PTPRD: variants seen among roughly 807,000 people sequenced by gnomAD.
PTPRD encodes the protein receptor-type tyrosine-protein phosphatase delta.
PTPRD carries 34 observed loss-of-function variants against 214.5 expected under a neutral mutation model. The ratio of observed to expected loss-of-function variants is 0.16; its 90% confidence interval spans 0.12 to 0.21. The LOEUF (loss-of-function observed/expected upper bound fraction) is 0.21. Among genes scored for constraint, PTPRD ranks in the 10% least tolerant of loss-of-function variants. The pLI, the probability that PTPRD is intolerant of heterozygous loss-of-function variation, is 1.00. For synonymous variants in PTPRD, 1,128 were observed against 845.7 expected (o/e 1.33, Z -5.79); for missense variants, 2,545 against 2,398.7 (o/e 1.06, Z -1.27).
At chr9:8,758,213 A>G (rs977307843) in intron 11 of PTPRD, among the ~76,000 whole-genome samples, 2 of 152,200 alleles carry the variant, frequency 1.3e-5, no homozygotes, top group East Asian at 1.9e-4. Context: ...GCCTTTCTCA[A>G]CTGCGGTTCC....
chr9:8,381,675 T>A (rs1172843770), intron 37 of PTPRD, among the ~76,000 whole-genome samples: 1 of 152,212 alleles, frequency 6.6e-6, no homozygotes, highest in Non-Finnish European at 1.5e-5. Context: ...AAAATATTAT[T>A]CTCAAAATAA....
intron 12 of PTPRD, among the ~76,000 whole-genome samples, chr9:8,648,852 G>A (rs1032229294): frequency 1.3e-5 from 2 of 152,174 alleles, no homozygotes; most frequent in African/African-American, 2.4e-5. Context: ...TCTTTTTGTA[G>A]AGTTAGTTTT....
At chr9:8,655,381 G>A (rs1334403538) in intron 12 of PTPRD, among the ~76,000 whole-genome samples, 1 of 152,158 alleles carries the variant, frequency 6.6e-6, no homozygotes. Flanking sequence ...AGAATTTATT[G>A]TAACTTAGGG....
chr9:9,572,793 G>C (rs981482115), intron 8 of PTPRD, among the ~76,000 whole-genome samples: 1 of 151,084 alleles, frequency 6.6e-6, no homozygotes, highest in Admixed American at 6.6e-5. Context: ...TGAGAAATAA[G>C]AGCAAAAACA....
intron 3 of PTPRD, among the ~76,000 whole-genome samples, chr9:10,105,133 T>C (rs1178106045): frequency 1.3e-5 from 2 of 151,846 alleles, no homozygotes; most frequent in Non-Finnish European, 2.9e-5. Context: ...TGAGGACTCT[T>C]TGAGGATGGG....
At chr9:8,409,204 T>C (rs1176729821) in intron 35 of PTPRD, among the ~76,000 whole-genome samples, 1 of 152,182 alleles carries the variant, frequency 6.6e-6, no homozygotes, top group Non-Finnish European at 1.5e-5. Context: ...CTAGAAGTAG[T>C]TGCCATTATG....
At chr9:9,824,506 T>G (rs2153582408) in intron 5 of PTPRD, among the ~76,000 whole-genome samples, 1 of 152,112 alleles carries the variant, frequency 6.6e-6, no homozygotes, top group Non-Finnish European at 1.5e-5. Context: ...ATAAAATATA[T>G]AAAGTTTTAC....
intron 10 of PTPRD, among the ~76,000 whole-genome samples, chr9:9,037,330 A>C (rs577984984): frequency 6.6e-5 from 10 of 152,278 alleles, no homozygotes; most frequent in African/African-American, 2.2e-4. Context: ...TAATCCTATA[A>C]AGAGTCTGAG....
intron 7 of PTPRD, among the ~76,000 whole-genome samples, chr9:9,672,894 C>A (rs1478428797): frequency 1.3e-5 from 2 of 152,052 alleles, no homozygotes; most frequent in Non-Finnish European, 2.9e-5. Context: ...AAAATGCATG[C>A]ATTAATGCAT....
chr9:8,948,521 A>T (rs1174494855), intron 11 of PTPRD, among the ~76,000 whole-genome samples: 2 of 51,764 alleles, frequency 3.9e-5, no homozygotes, highest in African/African-American at 1.3e-4. Flanking sequence ...ATATATATTT[A>T]TATATATATT....
At chr9:9,085,161 G>C (rs1039482136) in intron 10 of PTPRD, among the ~76,000 whole-genome samples, 5 of 152,068 alleles carry the variant, frequency 3.3e-5, no homozygotes, top group African/African-American at 1.2e-4. Context: ...AACACTTAAA[G>C]TGACTTTCTC....
chr9:8,735,435 C>A (rs973738025), intron 11 of PTPRD, among the ~76,000 whole-genome samples: 4 of 152,032 alleles, frequency 2.6e-5, no homozygotes, highest in African/African-American at 9.7e-5. Flanking sequence ...TGAGCCACCA[C>A]TCTTGGCCTA....
intron 2 of PTPRD, among the ~76,000 whole-genome samples, chr9:10,415,645 A>G (rs1796625646): frequency 6.6e-6 from 1 of 151,884 alleles, no homozygotes; most frequent in Non-Finnish European, 1.5e-5. Context: ...GTTTTGATAG[A>G]GAGACGTGAT....
chr9:9,079,886 G>A (rs887986569), intron 10 of PTPRD, among the ~76,000 whole-genome samples: 11 of 151,988 alleles, frequency 7.2e-5, no homozygotes, highest in African/African-American at 1.7e-4. Flanking sequence ...TTAATACATT[G>A]GTGATGATGT....
At chr9:9,561,710 G>A (rs934251726) in intron 8 of PTPRD, among the ~76,000 whole-genome samples, 6 of 152,146 alleles carry the variant, frequency 3.9e-5, no homozygotes, top group South Asian at 2.1e-4. Flanking sequence ...TAAAACATCC[G>A]TGTTGGTAAA....
At chr9:8,832,944 A>G (rs76966592) in intron 11 of PTPRD, among the ~76,000 whole-genome samples, 57 of 152,220 alleles carry the variant, frequency 3.7e-4, no homozygotes, top group African/African-American at 1.3e-3. Context: ...TAAATTTAAT[A>G]TCTACTCTTC....
At chr9:9,463,057 C>T (rs922345615) in intron 8 of PTPRD, among the ~76,000 whole-genome samples, 3 of 150,254 alleles carry the variant, frequency 2.0e-5, no homozygotes, top group Admixed American at 6.6e-5. Context: ...GAACAAAAGC[C>T]TTTGTGGCAC....
intron 3 of PTPRD, among the ~76,000 whole-genome samples, chr9:10,300,452 C>T (rs1310138393): frequency 1.3e-5 from 2 of 152,208 alleles, no homozygotes; most frequent in African/African-American, 4.8e-5. Context: ...GCCAGAGACA[C>T]AAGTGGTCTG....
chr9:9,088,409 G>T (rs919344688), intron 10 of PTPRD, among the ~76,000 whole-genome samples: 1 of 150,952 alleles, frequency 6.6e-6, no homozygotes, highest in South Asian at 2.1e-4. Flanking sequence ...GTGAAACCCT[G>T]TCTCTACAAA....
Sources: allele counts gnomAD v4.1 joint callset (sites outside exome capture counted in the v4.1 genomes callset), GRCh38; gene constraint gnomAD v4.1.1; transcripts MANE v1.5; gene names NCBI Gene and HGNC (gene_info 2026-07-23, HGNC 2026-07-21).